Variants in ASTN2 observed in about 807,000 individuals in gnomAD.
The protein encoded by ASTN2 is astrotactin 2, also known as astrotactin-2.
A neutral mutation model predicts 139.8 loss-of-function variants in ASTN2; 54 were observed. That is an observed-to-expected ratio of 0.39 (90% CI 0.31 to 0.48). The LOEUF (loss-of-function observed/expected upper bound fraction) is 0.48. ASTN2 is among the 20% of genes least tolerant of loss of function. The pLI is 0.95. For missense variants in ASTN2, 1,565 were observed against 1,725.1 expected (o/e 0.91, Z 1.64); for synonymous variants, 756 against 719.5 (o/e 1.05, Z -0.81).
At chr9:117,120,701 T>A (rs771333638) in intron 4 of ASTN2, among the ~76,000 whole-genome samples, 1 of 152,210 alleles carries the variant, frequency 6.6e-6, no homozygotes, top group Non-Finnish European at 1.5e-5. Flanking sequence ...TTCTTTGGAC[T>A]CTGTGTTAAA....
chr9:117,338,515 G>T (rs973071863), intron 1 of ASTN2, among the ~76,000 whole-genome samples: 1 of 152,056 alleles, frequency 6.6e-6, no homozygotes, highest in East Asian at 1.9e-4. Flanking sequence ...ATAAGAAAAG[G>T]TCCTTTCTCT....
intron 2 of ASTN2, among the ~76,000 whole-genome samples, chr9:117,232,195 C>T (rs1339811044): frequency 6.6e-6 from 1 of 152,128 alleles, no homozygotes; most frequent in Non-Finnish European, 1.5e-5. Flanking sequence ...CATGAGGGTC[C>T]CATGAGTGTA....
At chr9:117,348,572 T>C (rs1271339821) in intron 1 of ASTN2, among the ~76,000 whole-genome samples, 1 of 152,182 alleles carries the variant, frequency 6.6e-6, no homozygotes, top group Admixed American at 6.5e-5. Flanking sequence ...TTACTTGATA[T>C]GCTGATTTGT....
intron 19 of ASTN2, among the ~76,000 whole-genome samples, chr9:116,579,794 C>A (rs1402458995): frequency 1.3e-5 from 2 of 152,102 alleles, no homozygotes; most frequent in Non-Finnish European, 2.9e-5. Flanking sequence ...GCAAACAATT[C>A]CCCCTCACTG....
chr9:116,618,361 C>T lies in ASTN2; in HGVS notation c.3318G>A (p.Lys1106=). Residue 1106 remains lysine, a synonymous_variant, in exon 19 of 23, where the codon AAG becomes AAA. Transcript: ENST00000313400. The stretch of plus-strand genomic sequence containing the variant: ...CAGTGTCTGTGTATTCATCCACTTT[C>T]TTATGCTGCAGAATATAGTCGGAGA... ...TKVSDYILQH[K]KVDEYTDTDL... 6.2e-7 allele frequency: 1 copy of T among 1,614,154 alleles called. No homozygotes were observed. The highest frequency in any genetic ancestry group is 1.3e-5 in the African/African-American group (1 of 75,064).
chr9:116,736,464 T>C (rs912125290), intron 13 of ASTN2, among the ~76,000 whole-genome samples: 6 of 152,120 alleles, frequency 3.9e-5, no homozygotes, highest in Admixed American at 6.5e-5. Flanking sequence ...CTAAAGGACC[T>C]GCCTGTGACA....
chr9:116,952,471 T>C (rs1400731044), intron 10 of ASTN2, among the ~76,000 whole-genome samples: 1 of 152,190 alleles, frequency 6.6e-6, no homozygotes, highest in East Asian at 1.9e-4. Flanking sequence ...ATAAGGGCCC[T>C]GGAGCAGCCT....
At chr9:117,064,649 A>G (rs892255224) in intron 5 of ASTN2, among the ~76,000 whole-genome samples, 2 of 152,318 alleles carry the variant, frequency 1.3e-5, no homozygotes, top group African/African-American at 4.8e-5. Context: ...TGGAGACTCC[A>G]AAAAGTAGGA....
intron 10 of ASTN2, among the ~76,000 whole-genome samples, chr9:116,945,596 A>G (rs1250652006): frequency 4.0e-5 from 6 of 151,412 alleles, no homozygotes; most frequent in Admixed American, 3.9e-4. Context: ...CATTCTCTTT[A>G]TGTTTCTCCC....
chr9:117,120,008 G>GTATATATA (rs1203112485), intron 4 of ASTN2, among the ~76,000 whole-genome samples: 35 of 45,608 alleles, frequency 7.7e-4, no homozygotes, highest in African/African-American at 2.3e-3. Context: ...GTGTGTGTGT[G>GTATATATA]TGTGTGTGTG....
intron 19 of ASTN2, among the ~76,000 whole-genome samples, chr9:116,560,402 T>C (rs1352343651): frequency 6.6e-6 from 1 of 152,132 alleles, no homozygotes; most frequent in East Asian, 1.9e-4. Context: ...AGATTTCCAT[T>C]ATATTTAGAA....
chr9:117,377,154 G>A (rs1025289837), intron 1 of ASTN2, among the ~76,000 whole-genome samples: 3 of 152,170 alleles, frequency 2.0e-5, no homozygotes, highest in East Asian at 1.9e-4. Flanking sequence ...TGAACTCCTC[G>A]GGATTTGGCC....
intron 19 of ASTN2, among the ~76,000 whole-genome samples, chr9:116,598,166 G>T (rs761699462): frequency 6.6e-6 from 1 of 152,170 alleles, no homozygotes; most frequent in African/African-American, 2.4e-5. Flanking sequence ...CATCTCAGAT[G>T]GCTCCAGGGA....
In ASTN2 at chr9:116,968,909, A is replaced by T. The variant is rs561915711; in HGVS notation, c.1889+6299T>A. ...GTGAGACTCTGTCTCAAAAAAAAAA[A>T]AAAAAAAGTTCCTCCTTAGGCATGC... is the stretch of plus-strand genomic sequence containing the variant. On this transcript the variant is annotated intron_variant, in intron 10 of 22. Transcript: ENST00000313400. Among the ~76,000 whole-genome samples the T allele has an allele frequency of 6.6e-5, 10 of 151,894 alleles. No individual in the cohort carries two copies. In the South Asian group the frequency reaches 1.9e-3, roughly 28 times the overall value.
intron 10 of ASTN2, among the ~76,000 whole-genome samples, chr9:116,917,250 A>G (rs1834474059): frequency 6.6e-6 from 1 of 152,182 alleles, no homozygotes; most frequent in Non-Finnish European, 1.5e-5. Context: ...GTGAACTCTC[A>G]TAACATTGCA....
rs776524478 is a variant in ASTN2, at chr9:117,064,230, C to T, written c.1277-24265G>A. 1.5e-4 allele frequency among the ~76,000 whole-genome samples: 23 copies of T among 151,968 alleles called. 1 individual carries two copies. The highest frequency in any genetic ancestry group is 2.4e-4 in the Non-Finnish European group (16 of 68,002). On this transcript the variant is annotated intron_variant, in intron 5 of 22. Coordinates refer to ENST00000313400, the MANE Select transcript of ASTN2 (RefSeq NM_001365068.1). Reference sequence around the variant, plus strand: ...CAGTGGTGTTAGAGAGCTGTTATCACGGTCCAGCCAGGGCCGCTGGGATGG... The same window carrying T: ...CAGTGGTGTTAGAGAGCTGTTATCATGGTCCAGCCAGGGCCGCTGGGATGG...
At chr9:117,012,150 C>T (rs1275058256) in intron 6 of ASTN2, among the ~76,000 whole-genome samples, 1 of 152,148 alleles carries the variant, frequency 6.6e-6, no homozygotes, top group African/African-American at 2.4e-5. Flanking sequence ...CAATTCACTT[C>T]ATCATGGAAT....
chr9:116,793,167 C>A (rs144341446), intron 13 of ASTN2, among the ~76,000 whole-genome samples: 481 of 152,144 alleles, frequency 3.2e-3, no homozygotes, highest in Middle Eastern at 6.8e-3. Context: ...TAACAATTAA[C>A]CCAATCATTC....
intron 17 of ASTN2, among the ~76,000 whole-genome samples, chr9:116,632,252 GGAAAGAAAGAAA>G (rs1170260019): frequency 3.8e-4 from 27 of 70,924 alleles, no homozygotes; most frequent in East Asian, 5.4e-4. Flanking sequence ...AAAGAAAGAA[GGAAAGAAAGAAA>G]GAAAGAAAGA....
Sources: allele counts gnomAD v4.1 joint callset (sites outside exome capture counted in the v4.1 genomes callset), GRCh38; gene constraint gnomAD v4.1.1; transcripts MANE v1.5; gene names NCBI Gene and HGNC (gene_info 2026-07-23, HGNC 2026-07-21).